NPNT: variants seen among roughly 807,000 people sequenced by gnomAD.
The protein encoded by NPNT is nephronectin.
In NPNT, 45 loss-of-function variants were observed where a neutral mutation model predicts 68.6. The ratio of observed to expected loss-of-function variants is 0.66; its 90% CI spans 0.52 to 0.84. NPNT has a LOEUF of 0.84. Ranked by LOEUF, NPNT falls within the 40% of genes least tolerant of loss-of-function variation. The pLI is 0.00. For synonymous variants in NPNT, 233 were observed against 253.3 expected (o/e 0.92, Z 0.76); for missense variants, 672 against 714.8 (o/e 0.94, Z 0.68).
At chr4:105,902,962 G>T (rs756336993) in intron 2 of NPNT, among the ~76,000 whole-genome samples, 6 of 152,016 alleles carry the variant, frequency 3.9e-5, no homozygotes, top group Non-Finnish European at 7.4e-5. Flanking sequence ...AACCTTTATG[G>T]ATTAGAAATT....
intron 2 of NPNT, among the ~76,000 whole-genome samples, chr4:105,917,299 A>G (rs1168661003): frequency 1.3e-5 from 2 of 152,116 alleles, no homozygotes; most frequent in African/African-American, 4.8e-5. Context: ...AAGGCCCTTC[A>G]CCCATTCCCA....
intron 8 of NPNT, among the ~76,000 whole-genome samples, chr4:105,955,919 T>C (rs920589796): frequency 2.6e-5 from 4 of 152,042 alleles, no homozygotes; most frequent in African/African-American, 9.7e-5. Context: ...GGTTATAGAG[T>C]AGAGCACACA....
At chr4:105,914,521 G>A (rs985033452) in intron 2 of NPNT, among the ~76,000 whole-genome samples, 1 of 140,308 alleles carries the variant, frequency 7.1e-6, no homozygotes, top group African/African-American at 2.6e-5. Flanking sequence ...GCTATTACCT[G>A]CATGATCCAG....
intron 2 of NPNT, among the ~76,000 whole-genome samples, chr4:105,900,834 G>GTTTTTTTTTTTTTTTTTT (rs765343668): frequency 1.0e-5 from 1 of 96,600 alleles, no homozygotes; most frequent in Non-Finnish European, 2.0e-5. Flanking sequence ...ACCCTTGGTT[G>GTTTTTTTTTTTTTTTTTT]TTTTTTTTTT....
intron 8 of NPNT, among the ~76,000 whole-genome samples, chr4:105,957,377 T>C (rs1210027126): frequency 6.6e-6 from 1 of 152,100 alleles, no homozygotes; most frequent in Admixed American, 6.6e-5. Context: ...GGTCGGCATC[T>C]GCTTGGCCAT....
chr4:105,902,557 G>C (rs1213594866), intron 2 of NPNT: 7 of 152,036 alleles, frequency 4.6e-5, no homozygotes, highest in Non-Finnish European at 8.8e-5. Flanking sequence ...TCTGTTTTTT[G>C]TTTGTTTGCT....
In NPNT at chr4:105,958,568, C is replaced by T. The variant is rs1306081498; in HGVS notation, c.1246+11C>T. 1 of 1,426,192 alleles carries T rather than the reference C, an allele frequency of 7.0e-7. No individual in the cohort carries two copies. Among genetic ancestry groups the T allele is most frequent in the Non-Finnish European group, 9.9e-7 (1 of 1,013,176 alleles). 88.3% of individuals were successfully genotyped at this position (1,426,192 alleles called of 1,614,324 possible). A position where few individuals can be genotyped will look rare whatever the true frequency, so the allele number is the denominator to read the frequency against. On this transcript the variant is annotated intron_variant, in intron 9 of 11. Transcript: ENST00000379987. ...CAAAGGATGATCCAGGTGACACTTA[C>T]ACTCTTAGTGCCATCATAATGACAT...
In NPNT at chr4:105,968,143, C is replaced by T. The variant is rs1425161164; in HGVS notation, c.1602+699C>T. 2.0e-5 allele frequency among the ~76,000 whole-genome samples: 3 copies of T among 152,140 alleles called. No individual in the cohort carries two copies. The South Asian group carries it at 6.2e-4, about 31-fold the overall frequency. On this transcript the variant is annotated intron_variant, in intron 11 of 11. Coordinates refer to ENST00000379987, the MANE Select transcript of NPNT (RefSeq NM_001033047.3). ...TTATGAAACTTGCTGTTGGGAGATACCTATGCCTGTATGTAGGTATAGTTT... is the reference window on the plus strand; with the variant it reads ...TTATGAAACTTGCTGTTGGGAGATATCTATGCCTGTATGTAGGTATAGTTT...
chr4:105,917,236 ACTT>A (rs1727892123), intron 2 of NPNT, among the ~76,000 whole-genome samples: 1 of 152,164 alleles, frequency 6.6e-6, no homozygotes, highest in African/African-American at 2.4e-5. Flanking sequence ...GGGTTTCCAG[ACTT>A]CTGCTGCTTC....
At chr4:105,967,575 C>T (rs1271897457) in intron 11 of NPNT, 131 bp downstream of exon 11, 5 of 791,852 alleles carry the variant, frequency 6.3e-6, no homozygotes, top group Non-Finnish European at 9.3e-6. Flanking sequence ...TTTTCTGGGC[C>T]TGATGACTCC....
chr4:105,933,541 TA>T (rs1336987874), intron 3 of NPNT, among the ~76,000 whole-genome samples: 3 of 152,326 alleles, frequency 2.0e-5, no homozygotes, highest in Middle Eastern at 3.4e-3. Context: ...CCTTAATAAT[TA>T]AAAAATTAAA....
intron 2 of NPNT, among the ~76,000 whole-genome samples, chr4:105,900,500 C>T (rs1726311694): frequency 6.6e-6 from 1 of 152,132 alleles, no homozygotes; most frequent in South Asian, 2.1e-4. Context: ...AACATGCTGC[C>T]CTTCATTTTC....
chr4:105,940,753 G>A, intron 7 of NPNT, 117 bp downstream of exon 7: 1 of 929,310 alleles, frequency 1.1e-6, no homozygotes, highest in Non-Finnish European at 1.6e-6. Context: ...TGTCATAATT[G>A]GTTATATTTG....
intron 2 of NPNT, among the ~76,000 whole-genome samples, chr4:105,898,328 GTCTCTCTC>G (rs66945682): frequency 0.076 from 4,084 of 53,802 alleles, 20 homozygotes; most frequent in Non-Finnish European, 0.094. Flanking sequence ...CTCTCTCTCT[GTCTCTCTC>G]TCTCTCTCTC....
At chr4:105,952,424 C>G (rs897089673) in intron 8 of NPNT, among the ~76,000 whole-genome samples, 4 of 152,178 alleles carry the variant, frequency 2.6e-5, no homozygotes, top group African/African-American at 9.7e-5. Context: ...ATCTCAACTT[C>G]TTTACTGTGA....
intron 8 of NPNT, among the ~76,000 whole-genome samples, chr4:105,943,587 A>G (rs890300838): frequency 2.0e-5 from 3 of 152,198 alleles, no homozygotes; most frequent in African/African-American, 7.2e-5. Flanking sequence ...GTTCTGAAGG[A>G]GGAAAAGGTT....
intron 9 of NPNT, 93 bp downstream of exon 9, chr4:105,958,650 G>T: frequency 3.1e-6 from 2 of 638,230 alleles, no homozygotes; most frequent in South Asian, 3.3e-5. Flanking sequence ...GGACCATTTG[G>T]GAAAATTACA....
chr4:105,916,424 A>C (rs1231981106), intron 2 of NPNT, among the ~76,000 whole-genome samples: 1 of 150,102 alleles, frequency 6.7e-6, no homozygotes, highest in Non-Finnish European at 1.5e-5. Context: ...GGTTTGCCAT[A>C]TTGCCCAGGC....
intron 5 of NPNT, 40 bp from the exon 6 acceptor site, chr4:105,940,035 C>T: frequency 6.3e-7 from 1 of 1,591,692 alleles, no homozygotes; most frequent in South Asian, 1.1e-5. Context: ...TCTTAACATA[C>T]CCTTGCTCTT....
Sources: gnomAD v4.1 joint callset for allele counts (sites outside exome capture counted in the v4.1 genomes callset) on GRCh38, gnomAD v4.1.1 for gene constraint, MANE v1.5 for transcripts, NCBI Gene and HGNC (gene_info 2026-07-23, HGNC 2026-07-21) for gene names.